The following TOGARAM1 variants were observed in gnomAD, a reference collection of about 807,000 sequenced individuals.
TOGARAM1 encodes TOG array regulator of axonemal microtubules 1.
In TOGARAM1, 100 loss-of-function variants were observed where a neutral mutation model predicts 166.6. The ratio of observed to expected loss-of-function variants is 0.60; its 90% CI spans 0.51 to 0.71. The LOEUF (loss-of-function observed/expected upper bound fraction) is 0.71, where lower values mean the gene tolerates loss of function less well. Among genes scored for constraint, TOGARAM1 ranks in the 30% least tolerant of loss-of-function variants. TOGARAM1 has a pLI of 0.00. For synonymous variants in TOGARAM1, 758 were observed against 763.8 expected (o/e 0.99, Z 0.13); for missense variants, 2,029 against 2,102.7 (o/e 0.96, Z 0.69).
intron 1 of TOGARAM1, among the ~76,000 whole-genome samples, chr14:44,991,268 GTTTTTGT>G (rs1156471861): frequency 6.6e-6 from 1 of 151,054 alleles, no homozygotes; most frequent in Non-Finnish European, 1.5e-5. Context: ...TTAGTTTTTT[GTTTTTGT>G]TTTTTTTTTA....
At chr14:45,032,964 C>A (rs1881245342) in intron 11 of TOGARAM1, among the ~76,000 whole-genome samples, 1 of 152,068 alleles carries the variant, frequency 6.6e-6, no homozygotes, top group Non-Finnish European at 1.5e-5. Context: ...TTTTTAAAAA[C>A]CTCCAGGCCG....
intron 16 of TOGARAM1, among the ~76,000 whole-genome samples, chr14:45,062,836 G>A (rs562392804): frequency 6.6e-5 from 10 of 152,236 alleles, no homozygotes; most frequent in Middle Eastern, 3.4e-3. Context: ...TGGGTTTATC[G>A]GGATGTAACT....
chr14:45,043,505 C>T (rs1474228888), intron 11 of TOGARAM1, among the ~76,000 whole-genome samples, 181 bp from the exon 12 acceptor site: 1 of 152,094 alleles, frequency 6.6e-6, no homozygotes, highest in Non-Finnish European at 1.5e-5. Flanking sequence ...ATGGAGATGG[C>T]TTCTTTCCCT....
At chr14:45,045,694 CATATATATGTGT>C (rs1882022803) in intron 13 of TOGARAM1, among the ~76,000 whole-genome samples, 1 of 115,392 alleles carries the variant, frequency 8.7e-6, no homozygotes, top group Non-Finnish European at 1.8e-5. Flanking sequence ...CATATATACA[CATATATATGTGT>C]ATATATATAC....
At chr14:45,052,288 A>G (rs1035193127) in intron 14 of TOGARAM1, 148 bp from the exon 15 acceptor site, 2 of 616,934 alleles carry the variant, frequency 3.2e-6, no homozygotes, top group Non-Finnish European at 5.5e-6. Context: ...CAGTTAGGAT[A>G]TCTATATTTT....
chr14:44,962,475 T>C lies in TOGARAM1; in HGVS notation c.54T>C (p.Ser18=), dbSNP rs1272584288. Residue 18 remains serine, a synonymous_variant, in exon 1 of 20, where the codon TCT becomes TCC. Coordinates refer to ENST00000361462, the MANE Select transcript of TOGARAM1 (RefSeq NM_001308120.2). ...LLLLPPFPVL[S]TYRLQSRSRP... is the part of the protein sequence containing the mutation. ...TGCTGCCGCCCTTTCCAGTCCTCTC[T>C]ACCTATCGGCTCCAGAGCCGCAGTC... 1 of 1,607,062 alleles carries C rather than the reference T, an allele frequency of 6.2e-7. No homozygotes were observed. Among genetic ancestry groups the C allele is most frequent in the Admixed American group, 1.7e-5 (1 of 59,684 alleles).
chr14:44,994,573 C>CA (rs1484611053), intron 1 of TOGARAM1, among the ~76,000 whole-genome samples: 1 of 152,146 alleles, frequency 6.6e-6, no homozygotes, highest in African/African-American at 2.4e-5. Context: ...CACATGCCAC[C>CA]ATGCCTGGCT....
In TOGARAM1 at chr14:44,962,884, T is replaced by C; in HGVS notation, c.463T>C (p.Cys155Arg). 6.2e-7 allele frequency: 1 copy of C among 1,614,002 alleles called. No homozygotes were observed. Among genetic ancestry groups the C allele is most frequent in the Non-Finnish European group, 8.5e-7 (1 of 1,180,028 alleles). Reference sequence around the variant, plus strand: ...AGGAGGTAGTGATGAGAAGCGGCTCTGCTTGCAACTTCTCTCGGACGTTCT... The same window carrying C: ...AGGAGGTAGTGATGAGAAGCGGCTCCGCTTGCAACTTCTCTCGGACGTTCT... ...VEGGSDEKRL[C>R]LQLLSDVLRG... is the part of the protein sequence containing the mutation. The change falls in exon 1 of 20, where the codon TGC (cysteine) becomes CGC (arginine). Residue 155 changes from cysteine to arginine, a missense_variant. Coordinates refer to ENST00000361462, the MANE Select transcript of TOGARAM1 (RefSeq NM_001308120.2).
At chr14:44,987,582 A>G (rs1348253604) in intron 1 of TOGARAM1, among the ~76,000 whole-genome samples, 1 of 151,518 alleles carries the variant, frequency 6.6e-6, no homozygotes, top group Non-Finnish European at 1.5e-5. Context: ...TTAGAATGGC[A>G]ATCATTAAAA....
Position 44,964,243 on chromosome 14 carries a change from G to A in TOGARAM1, c.1822G>A (p.Ala608Thr), listed in dbSNP as rs1269759767. 6.2e-7 allele frequency: 1 copy of A among 1,614,090 alleles called. No individual in the cohort carries two copies. The highest frequency in any genetic ancestry group is 1.3e-5 in the African/African-American group (1 of 74,926). The change falls in exon 1 of 20, where the codon GCA (alanine) becomes ACA (threonine). Residue 608 changes from alanine to threonine, a missense_variant. By Grantham distance (58) the Ala-to-Thr change is moderately conservative. Coordinates refer to ENST00000361462, the MANE Select transcript of TOGARAM1 (RefSeq NM_001308120.2). ...TAGGTCAAACCATTTGGCACATGGA[G>A]CAGATACGGACTGGCTTTTGGCTGG... Reference protein sequence around the residue: ...GGRSNHLAHGADTDWLLAGNR... With the variant: ...GGRSNHLAHGTDTDWLLAGNR...
chr14:45,047,036 A>G (rs1882099757), intron 14 of TOGARAM1, among the ~76,000 whole-genome samples: 1 of 152,212 alleles, frequency 6.6e-6, no homozygotes. Flanking sequence ...TAATGCATTT[A>G]GGGGAAAATG....
At chr14:45,060,348 C>T (rs1481962461) in intron 16 of TOGARAM1, among the ~76,000 whole-genome samples, 9 of 151,236 alleles carry the variant, frequency 6.0e-5, no homozygotes, top group East Asian at 1.9e-4. Flanking sequence ...CCTAAGTAGC[C>T]GGGACTACAG....
At chr14:45,055,842 CTTT>C (rs770271609) in intron 16 of TOGARAM1, among the ~76,000 whole-genome samples, 1 of 99,286 alleles carries the variant, frequency 1.0e-5, no homozygotes, top group Non-Finnish European at 2.1e-5. Context: ...TACTTGGGCT[CTTT>C]TTTTTTTTTT....
intron 16 of TOGARAM1, among the ~76,000 whole-genome samples, chr14:45,055,288 A>G (rs1204393844): frequency 6.6e-6 from 1 of 152,156 alleles, no homozygotes; most frequent in Non-Finnish European, 1.5e-5. Flanking sequence ...TTTCAGCATC[A>G]TTTATTGAAA....
chr14:45,028,099 A>T (rs2138910191), intron 9 of TOGARAM1, 77 bp from the exon 10 acceptor site: 2 of 1,277,216 alleles, frequency 1.6e-6, no homozygotes, highest in South Asian at 3.0e-5. Context: ...CTCAGACACA[A>T]ATTAGTTATC....
intron 7 of TOGARAM1, among the ~76,000 whole-genome samples, chr14:45,023,375 G>A (rs1880638080): frequency 6.6e-6 from 1 of 152,192 alleles, no homozygotes; most frequent in South Asian, 2.1e-4. Flanking sequence ...ATTGATATCT[G>A]ATATTGATAT....
At chr14:45,035,388 A>G (rs1335765622) in intron 11 of TOGARAM1, among the ~76,000 whole-genome samples, 2 of 152,032 alleles carry the variant, frequency 1.3e-5, no homozygotes, top group Non-Finnish European at 2.9e-5. Context: ...AAATGAAACA[A>G]TGAGAGAAAC....
chr14:45,032,249 C>G lies in TOGARAM1; in HGVS notation c.3685C>G (p.Gln1229Glu). The change falls in exon 11 of 20, where the codon CAG becomes GAG. Residue 1229 changes from glutamine to glutamate, a missense_variant. Coordinates refer to ENST00000361462, the MANE Select transcript of TOGARAM1 (RefSeq NM_001308120.2). ...ESETPTGAISQYKERMPSVTH... is the reference protein window; with the variant it reads ...ESETPTGAISEYKERMPSVTH... ...TGAAACACCTACTGGAGCTATTTCA[C>G]AGTATAAAGAAAGGATGCCTTCTGT... 1 of 1,612,954 alleles carries G rather than the reference C, an allele frequency of 6.2e-7. No individual in the cohort carries two copies. The highest frequency in any genetic ancestry group is 8.5e-7 in the Non-Finnish European group (1 of 1,179,630).
chr14:45,043,887 TACC>T, intron 12 of TOGARAM1, 96 bp downstream of exon 12: 1 of 669,968 alleles, frequency 1.5e-6, no homozygotes. Context: ...AACAACTCTG[TACC>T]ATATGATATA....
Sources: allele counts gnomAD v4.1 joint callset (sites outside exome capture counted in the v4.1 genomes callset), GRCh38; gene constraint gnomAD v4.1.1; transcripts MANE v1.5; gene names NCBI Gene and HGNC (gene_info 2026-07-23, HGNC 2026-07-21).